Variants in ZNF85 observed in about 807,000 individuals in gnomAD.
ZNF85 encodes zinc finger protein 85 (HPF4, HTF1).
In ZNF85, 50 loss-of-function variants were observed where a neutral mutation model predicts 53.9. The ratio of observed to expected loss-of-function variants is 0.93; its 90% CI spans 0.74 to 1.17. The LOEUF is 1.17. Among genes scored for constraint, ZNF85 ranks in the 50% most tolerant of loss-of-function variants. The pLI, the probability that ZNF85 is intolerant of heterozygous loss-of-function variation, is 0.00. For synonymous variants in ZNF85, 225 were observed against 226.1 expected, an observed-to-expected ratio of 1.00 and a Z score of 0.04; for missense variants, 747 against 688.5, an observed-to-expected ratio of 1.08 and a Z score of -0.95.
At chr19:20,943,862 G>A (rs939766368) in intron 3 of ZNF85, 4 of 152,370 alleles carry the variant, frequency 2.6e-5, no homozygotes, top group East Asian at 1.9e-4. Context: ...TATAATATCA[G>A]TCTTTGTCTC....
intron 1 of ZNF85, among the ~76,000 whole-genome samples, chr19:20,926,380 A>G (rs1337468927): frequency 1.3e-5 from 2 of 152,204 alleles, no homozygotes; most frequent in Non-Finnish European, 2.9e-5. Flanking sequence ...AAAATAATAC[A>G]TTTATTGTCT....
intron 1 of ZNF85, among the ~76,000 whole-genome samples, chr19:20,929,851 T>TGGCTTACGCCTATAATATA (rs1972967051): frequency 1.3e-5 from 2 of 152,192 alleles, no homozygotes; most frequent in South Asian, 4.1e-4. Flanking sequence ...CCAGGCGTGG[T>TGGCTTACGCCTATAATATA]GGCTTACGCC....
intron 1 of ZNF85, among the ~76,000 whole-genome samples, chr19:20,925,316 G>A (rs142229937): frequency 0.1 from 15,533 of 151,906 alleles, 884 homozygotes; most frequent in Non-Finnish European, 0.13. Flanking sequence ...AATTAGCCAG[G>A]CCTGGTGGCA....
rs149214151 is a variant in ZNF85, at chr19:20,934,097, G to A, written c.77G>A (p.Arg26Gln). 344 of 1,611,238 alleles carry A rather than the reference G, an allele frequency of 2.1e-4. No homozygotes were observed. Among genetic ancestry groups the A allele is most frequent in the Non-Finnish European group, 2.6e-4 (308 of 1,178,716 alleles). Residue 26 changes from arginine to glutamine, a missense_variant, in exon 2 of 4, where the codon CGG (arginine) becomes CAG (glutamine). Physicochemically the swap from Arg to Gln is conservative, Grantham distance 43. Coordinates refer to ENST00000328178, the MANE Select transcript of ZNF85 (RefSeq NM_003429.5). ...TGGCAATGCCTGGACACTGCACAGC[G>A]GAATTTATATAGAAATGTGATGTTA... ...KEWQCLDTAQ[R>Q]NLYRNVMLEN...
chr19:20,948,842 G>A lies in ZNF85; in HGVS notation c.328G>A (p.Glu110Lys), dbSNP rs750874095. The A allele has an allele frequency of 2.5e-6, 4 of 1,612,926 alleles. No individual in the cohort carries two copies. The East Asian group carries it at 6.7e-5, about 27-fold the overall frequency. Residue 110 changes from glutamate to lysine, a missense_variant, in exon 4 of 4, where the codon GAA (glutamate) becomes AAA (lysine). Physicochemically the swap from Glu to Lys is moderately conservative, Grantham distance 56. Coordinates refer to ENST00000328178, the MANE Select transcript of ZNF85 (RefSeq NM_003429.5). ...GAAAAGATATGGAAAATGTAGACAT[G>A]AAAATTTACCATTAAGAAAAGGCTG... is the stretch of plus-strand genomic sequence containing the variant. ...TLKRYGKCRH[E>K]NLPLRKGCES...
At chr19:20,938,497 T>A (rs891626669) in intron 3 of ZNF85, among the ~76,000 whole-genome samples, 1 of 152,054 alleles carries the variant, frequency 6.6e-6, no homozygotes, top group African/African-American at 2.4e-5. Context: ...GCTGAAAAAA[T>A]TTTCTTGCTG....
intron 3 of ZNF85, chr19:20,937,102 G>T: frequency 3.9e-6 from 1 of 256,628 alleles, no homozygotes; most frequent in Non-Finnish European, 7.9e-6. Context: ...GCACGATCTC[G>T]GCTCACTGCA....
intron 1 of ZNF85, chr19:20,928,314 A>G (rs771090836): frequency 6.6e-6 from 1 of 152,234 alleles, no homozygotes; most frequent in African/African-American, 2.4e-5. Context: ...AGCAAACTCT[A>G]TAGATTTGAT....
intron 3 of ZNF85, among the ~76,000 whole-genome samples, chr19:20,935,305 A>AT (rs1157983929): frequency 3.3e-5 from 5 of 152,198 alleles, no homozygotes; most frequent in African/African-American, 1.2e-4. Context: ...TCTTCGTGGC[A>AT]TATAAGAGAC....
intron 1 of ZNF85, chr19:20,928,014 T>G (rs556224457): frequency 2.0e-5 from 3 of 152,376 alleles, no homozygotes; most frequent in African/African-American, 7.2e-5. Flanking sequence ...TCCTATACAT[T>G]TCTTTCATTT....
intron 1 of ZNF85, among the ~76,000 whole-genome samples, chr19:20,929,449 G>T (rs1972957000): frequency 6.6e-6 from 1 of 152,060 alleles, no homozygotes. Flanking sequence ...CTCCAAAAGT[G>T]CTGGGATTAC....
Position 20,949,539 on chromosome 19 carries a change from A to G in ZNF85, c.1025A>G (p.Tyr342Cys), listed in dbSNP as rs1973517306. 6.2e-7 allele frequency: 1 copy of G among 1,613,082 alleles called. No individual in the cohort carries two copies. Among genetic ancestry groups the G allele is most frequent in the Admixed American group, 1.7e-5 (1 of 59,942 alleles). The change falls in exon 4 of 4, where the codon TAC (tyrosine) becomes TGC (cysteine). Residue 342 changes from tyrosine (Y) to cysteine (C), a missense_variant. Coordinates refer to ENST00000328178, the MANE Select transcript of ZNF85 (RefSeq NM_003429.5). Reference sequence around the variant, plus strand: ...ATAATTCATACTGGAGAGAAACCCTACAAATGTAAAAAATGTGGAAAAGCC... The same window carrying G: ...ATAATTCATACTGGAGAGAAACCCTGCAAATGTAAAAAATGTGGAAAAGCC... ...HKIIHTGEKP[Y>C]KCKKCGKAFN...
intron 1 of ZNF85, among the ~76,000 whole-genome samples, chr19:20,929,359 T>A (rs142742459): frequency 0.12 from 18,251 of 151,998 alleles, 1,141 homozygotes; most frequent in South Asian, 0.15. Flanking sequence ...TGGCTAATTT[T>A]TGTATTTTTA....
chr19:20,934,178 T>A (rs112127859), intron 2 of ZNF85, 28 bp downstream of exon 2: 4 of 1,602,844 alleles, frequency 2.5e-6, no homozygotes, highest in Non-Finnish European at 3.4e-6. Context: ...ACACAATTTC[T>A]AATATGCCCT....
At chr19:20,943,941 T>C (rs1172291152) in intron 3 of ZNF85, 3 of 192,668 alleles carry the variant, frequency 1.6e-5, no homozygotes, top group Non-Finnish European at 2.9e-5. Flanking sequence ...ATTGTGGTTA[T>C]ATTTGCATGT....
intron 3 of ZNF85, among the ~76,000 whole-genome samples, chr19:20,941,734 G>C (rs181222274): frequency 5.3e-4 from 81 of 152,098 alleles, no homozygotes; most frequent in African/African-American, 1.8e-3. Context: ...AATATTTTTA[G>C]CTATTTCCTA....
At chr19:20,941,159 G>GT (rs1399761772) in intron 3 of ZNF85, among the ~76,000 whole-genome samples, 3 of 152,084 alleles carry the variant, frequency 2.0e-5, no homozygotes, top group African/African-American at 2.4e-5. Flanking sequence ...AATTTGGTGG[G>GT]TTTTTTTATA....
intron 3 of ZNF85, among the ~76,000 whole-genome samples, chr19:20,938,091 G>T (rs939492124): frequency 4.6e-5 from 7 of 151,930 alleles, no homozygotes; most frequent in African/African-American, 1.7e-4. Context: ...TTTTGTTTTT[G>T]AGACGGAGTC....
rs976055525 is a variant in ZNF85, at chr19:20,950,131, A to G, written c.1617A>G (p.Thr539=). ...TTCATACTGGAGAGAAACCCTACACATGTGAAGAATGTGGCAAAGCCTTTA... is the reference window on the plus strand; with the variant it reads ...TTCATACTGGAGAGAAACCCTACACGTGTGAAGAATGTGGCAAAGCCTTTA... ...KKIHTGEKPY[T]CEECGKAFNQ... is the part of the protein sequence containing the mutation. The change falls in exon 4 of 4, where the codon ACA becomes ACG. Residue 539 remains threonine (T), a synonymous_variant. Transcript: ENST00000328178. 1 of 1,613,236 alleles carries G rather than the reference A, an allele frequency of 6.2e-7. No homozygotes were observed. Among genetic ancestry groups the G allele is most frequent in the Non-Finnish European group, 8.5e-7 (1 of 1,179,612 alleles).
Sources: allele counts gnomAD v4.1 joint callset (sites outside exome capture counted in the v4.1 genomes callset), GRCh38; gene constraint gnomAD v4.1.1; transcripts MANE v1.5; gene names NCBI Gene and HGNC (gene_info 2026-07-23, HGNC 2026-07-21).